The following FAAH2 variants were observed in gnomAD, a reference collection of about 807,000 sequenced individuals.
The protein encoded by FAAH2 is fatty-acid amide hydrolase 2.
A neutral mutation model predicts 36.9 loss-of-function variants in FAAH2; 60 were observed. The observed-to-expected ratio is 1.63, with a 90% CI of 1.32 to 2.02. The LOEUF (loss-of-function observed/expected upper bound fraction) is 2.02, where lower values mean the gene tolerates loss of function less well. Ranked by LOEUF, FAAH2 falls within the 30% of genes most tolerant of loss-of-function variation. The pLI is 0.00. For missense variants in FAAH2, 689 were observed against 397.5 expected (o/e 1.73, Z -6.23); for synonymous variants, 214 against 143.8 (o/e 1.49, Z -3.49).
At chrX:57,470,186 A>C (rs961408378) in intron 10 of FAAH2, among the ~76,000 whole-genome samples, 1 of 111,350 alleles carries the variant, frequency 9.0e-6, no homozygotes, top group African/African-American at 3.3e-5. Context: ...CACAATTAAA[A>C]GAACTATAGG....
intron 7 of FAAH2, among the ~76,000 whole-genome samples, chrX:57,430,764 T>G (rs2056276249): frequency 8.9e-6 from 1 of 111,847 alleles, no homozygotes; most frequent in African/African-American, 3.2e-5. Flanking sequence ...TAAATTTATT[T>G]TTTTTAGTTT....
intron 8 of FAAH2, among the ~76,000 whole-genome samples, chrX:57,432,299 A>G (rs1450650196): frequency 2.7e-5 from 3 of 111,452 alleles, no homozygotes; most frequent in Non-Finnish European, 5.7e-5. Context: ...CAAATCTTGA[A>G]TGATTTGGAA....
chrX:57,396,863 G>A (rs1280928392), intron 7 of FAAH2, among the ~76,000 whole-genome samples: 1 of 111,441 alleles, frequency 9.0e-6, no homozygotes, highest in Non-Finnish European at 1.9e-5. Flanking sequence ...CATTTGGTCT[G>A]GGTCCAATTT....
At chrX:57,362,700 T>C (rs1796664629) in intron 5 of FAAH2, among the ~76,000 whole-genome samples, 1 of 112,221 alleles carries the variant, frequency 8.9e-6, no homozygotes, top group Non-Finnish European at 1.9e-5. Flanking sequence ...TGGTGTTTTC[T>C]AGATTTTCTT....
intron 3 of FAAH2, among the ~76,000 whole-genome samples, chrX:57,327,712 G>A (rs184775517): frequency 7.4e-4 from 82 of 111,294 alleles, no homozygotes; most frequent in African/African-American, 2.4e-3. Flanking sequence ...GGACTTCTCT[G>A]CCTTGATTAT....
intron 7 of FAAH2, among the ~76,000 whole-genome samples, chrX:57,383,726 A>G (rs1450544583): frequency 8.9e-6 from 1 of 112,017 alleles, no homozygotes; most frequent in African/African-American, 3.3e-5. Flanking sequence ...AAAAATCAAT[A>G]TCATGAAAAT....
the FAAH2 span, among the ~76,000 whole-genome samples, chrX:57,130,071 C>G: frequency 1.8e-5 from 2 of 112,327 alleles, no homozygotes; most frequent in African/African-American, 6.5e-5. Flanking sequence ...TTGGAGGACA[C>G]AAATCATTGT....
At chrX:57,155,540 C>A in the FAAH2 span, among the ~76,000 whole-genome samples, 1 of 112,093 alleles carries the variant, frequency 8.9e-6, no homozygotes, top group African/African-American at 3.2e-5. Context: ...TGTTTCCAGG[C>A]AGTGGGGCGT....
At chrX:57,428,291 T>A (rs187099889) in intron 7 of FAAH2, among the ~76,000 whole-genome samples, 1 of 112,023 alleles carries the variant, frequency 8.9e-6, no homozygotes, top group Non-Finnish European at 1.9e-5. Context: ...ATAAGAGGAA[T>A]GAATATCATT....
At chrX:57,282,328 G>A (rs142563781), upstream of FAAH2, among the ~76,000 whole-genome samples, 3 of 112,038 alleles carry the variant, frequency 2.7e-5, no homozygotes, top group Admixed American at 1.9e-4. Flanking sequence ...TAGTGATGAT[G>A]AGCATTTTTT....
chrX:57,463,061 C>T (rs1049545437), intron 10 of FAAH2, among the ~76,000 whole-genome samples: 2 of 111,441 alleles, frequency 1.8e-5, no homozygotes, highest in Admixed American at 1.9e-4. Flanking sequence ...TTCACAATTG[C>T]TACAAAGAAA....
the FAAH2 span, among the ~76,000 whole-genome samples, chrX:57,215,186 T>A: frequency 1.9e-5 from 2 of 107,571 alleles, no homozygotes; most frequent in Admixed American, 2.0e-4. Flanking sequence ...AAAGAAGACA[T>A]TTATGTGACC....
intron 2 of FAAH2, among the ~76,000 whole-genome samples, chrX:57,296,227 A>C (rs1251007575): frequency 9.0e-6 from 1 of 111,433 alleles, no homozygotes; most frequent in Non-Finnish European, 1.9e-5. Context: ...GACACCTCAC[A>C]TTGCCCAGTA....
chrX:57,359,503 A>G (rs1439964624), intron 5 of FAAH2, among the ~76,000 whole-genome samples: 3 of 111,551 alleles, frequency 2.7e-5, no homozygotes. Flanking sequence ...TACATTATTT[A>G]GGCCTGGCCA....
chrX:57,401,986 C>T (rs1161408879), intron 7 of FAAH2, among the ~76,000 whole-genome samples: 1 of 110,965 alleles, frequency 9.0e-6, no homozygotes, highest in Non-Finnish European at 1.9e-5. Context: ...TGTCCTAGGA[C>T]CCCTTGGATA....
the FAAH2 span, among the ~76,000 whole-genome samples, chrX:57,274,408 G>A: frequency 8.9e-6 from 1 of 111,932 alleles, no homozygotes; most frequent in East Asian, 2.8e-4. Context: ...CATTTCATGA[G>A]GCCAGAATCA....
chrX:57,252,600 C>T, the FAAH2 span, among the ~76,000 whole-genome samples: 45 of 112,057 alleles, frequency 4.0e-4, no homozygotes, highest in African/African-American at 1.4e-3. Flanking sequence ...GTTCTGGAGC[C>T]TCTGCTGGTG....
the FAAH2 span, among the ~76,000 whole-genome samples, chrX:57,175,429 C>A: frequency 9.0e-6 from 1 of 111,652 alleles, no homozygotes; most frequent in African/African-American, 3.2e-5. Context: ...GTATATTTTT[C>A]CACCCCTTTA....
Position 57,287,026 on chromosome X carries a change from G to A in FAAH2, c.192+9G>A, listed in dbSNP as rs773225165. The stretch of plus-strand genomic sequence containing the variant: ...TGATCCGACAGAGAAAGGTGAGAAT[G>A]CAATTCAGAAGAGGCTGGAGGGACA... On this transcript the variant is annotated intron_variant, in intron 1 of 10. Coordinates refer to ENST00000374900, the MANE Select transcript of FAAH2 (RefSeq NM_174912.4). The A allele has an allele frequency of 5.1e-6, 6 of 1,174,023 alleles. No individual in the cohort carries two copies. The East Asian group carries it at 1.2e-4, about 24-fold the overall frequency.
Sources: allele counts gnomAD v4.1 joint callset (sites outside exome capture counted in the v4.1 genomes callset), GRCh38; gene constraint gnomAD v4.1.1; transcripts MANE v1.5; gene names NCBI Gene and HGNC (gene_info 2026-07-23, HGNC 2026-07-21).